Variants in NFE2L3 observed in about 807,000 individuals in gnomAD.
NFE2L3 encodes NFE2 like bZIP transcription factor 3, also known as nuclear factor erythroid 2-related factor 3.
NFE2L3 carries 18 observed loss-of-function variants against 23.5 expected under a neutral mutation model. The observed-to-expected ratio is 0.77, with a 90% CI of 0.53 to 1.13. NFE2L3 has a LOEUF of 1.13. Ranked by LOEUF, NFE2L3 falls within the 50% of genes most tolerant of loss-of-function variation. NFE2L3 has a pLI of 0.00. For synonymous variants in NFE2L3, 424 were observed against 354.5 expected, an observed-to-expected ratio of 1.20 and a Z score of -2.20; for missense variants, 1,152 against 877.2, an observed-to-expected ratio of 1.31 and a Z score of -3.96.
At position 26,158,060 on chromosome 7, in the gene NFE2L3, T is replaced by TTTG. The variant is rs767604898; in HGVS notation, c.570+4992_570+4993insTTG. On this transcript the variant is annotated intron_variant, in intron 1 of 3. Transcript: ENST00000056233. ...GGTTTTTTTGTTTTGTTTTGTTTTT[T>TTTG]ATTTTTGAGATGGAATCTTGCTCTG... 7.3e-5 allele frequency among the ~76,000 whole-genome samples: 11 copies of TTTG among 151,460 alleles called. No homozygotes were observed. The East Asian group carries it at 9.7e-4, about 13-fold the overall frequency.
At chr7:26,183,384 C>G (rs142391260) in intron 2 of NFE2L3, among the ~76,000 whole-genome samples, 7,394 of 152,058 alleles carry the variant, frequency 0.049, 550 homozygotes, top group East Asian at 0.36. Context: ...CCTGTCTCTA[C>G]TAAAAATACA....
chr7:26,156,230 T>C (rs900881075), intron 1 of NFE2L3, among the ~76,000 whole-genome samples: 6 of 152,166 alleles, frequency 3.9e-5, no homozygotes, highest in African/African-American at 1.4e-4. Flanking sequence ...GTTCATTCCA[T>C]GTAAAGGGCT....
chr7:26,184,384 G>C lies in NFE2L3; in HGVS notation c.835-149G>C. 7.6e-6 allele frequency: 5 copies of C among 657,208 alleles called. No individual in the cohort carries two copies. The South Asian group carries it at 9.6e-5, about 13-fold the overall frequency. 40.7% of individuals were successfully genotyped at this position (657,208 alleles called of 1,614,324 possible). A position where few individuals can be genotyped will look rare whatever the true frequency, so the allele number is the denominator to read the frequency against. ...ACTCACATCTCGTATTGTATTGCCTGTATTTAACTAGGAAGTTACTGCCAA... is the reference window on the plus strand; with the variant it reads ...ACTCACATCTCGTATTGTATTGCCTCTATTTAACTAGGAAGTTACTGCCAA... On this transcript the variant is annotated intron_variant, in intron 3 of 3. Coordinates refer to ENST00000056233, the MANE Select transcript of NFE2L3 (RefSeq NM_004289.7).
rs1784008272 is a variant in NFE2L3, at chr7:26,152,300, G to C, written c.-199G>C. On this transcript the variant is annotated 5_prime_UTR_variant, in exon 1 of 4. Transcript: ENST00000056233. This position sits in a 1 kb window ranked among gnomAD's most constrained non-coding sequence, Gnocchi z 4.4. ...CCCGATCCCCGGCGGTGCCAGGCAC[G>C]GTGCCGGCTGCCGAGGGAACGCCTT... The C allele has an allele frequency of 7.3e-6, 2 of 275,472 alleles. No homozygotes were observed. Among genetic ancestry groups the C allele is most frequent in the Non-Finnish European group, 1.3e-5 (2 of 152,502 alleles). 17.1% of individuals were successfully genotyped at this position (275,472 alleles called of 1,614,324 possible). A position where few individuals can be genotyped will look rare whatever the true frequency, so the allele number is the denominator to read the frequency against.
rs1583944683 is a variant in NFE2L3 at position 26,187,073 on chromosome 7, G to T, written c.*1290G>T. ...CATAAGTATCTTGGGCTAGAGAAAT[G>T]CAGTTTATATATACCGTTGGATTTT... On this transcript the variant is annotated 3_prime_UTR_variant, in exon 4 of 4. Transcript: ENST00000056233. The T allele has an allele frequency of 6.6e-6, 1 of 152,276 alleles. No individual in the cohort carries two copies. Among genetic ancestry groups the T allele is most frequent in the South Asian group, 2.1e-4 (1 of 4,818 alleles). 9.4% of individuals were successfully genotyped at this position (152,276 alleles called of 1,614,324 possible).
chr7:26,167,742 T>C (rs534623098), intron 1 of NFE2L3, among the ~76,000 whole-genome samples: 12 of 152,282 alleles, frequency 7.9e-5, no homozygotes, highest in Non-Finnish European at 1.2e-4. Context: ...AAAGCAGAGA[T>C]AATAATTACT....
At chr7:26,183,850 A>G (rs768465704) in intron 3 of NFE2L3, 66 bp downstream of exon 3, 12 of 1,011,252 alleles carry the variant, frequency 1.2e-5, no homozygotes, top group Admixed American at 3.5e-5. Context: ...GTGAACAAAT[A>G]CAACTCCTTT....
Position 26,184,702 on chromosome 7 carries a change from C to G in NFE2L3, c.1004C>G (p.Thr335Ser), listed in dbSNP as rs1160209350. The change falls in exon 4 of 4, where the codon ACT becomes AGT. Residue 335 changes from threonine (T) to serine (S), a missense_variant. By Grantham distance (58) the Thr-to-Ser change is moderately conservative. Coordinates refer to ENST00000056233, the MANE Select transcript of NFE2L3 (RefSeq NM_004289.7). Reference sequence around the variant, plus strand: ...TTTAGAAGAGATCCAACAGCAAGGACTTCACAGTCACAAGAACCATTTCTG... The same window carrying G: ...TTTAGAAGAGATCCAACAGCAAGGAGTTCACAGTCACAAGAACCATTTCTG... ...NTFRRDPTAR[T>S]SQSQEPFLQL... 6.2e-7 allele frequency: 1 copy of G among 1,613,802 alleles called. No homozygotes were observed. The highest frequency in any genetic ancestry group is 2.2e-5 in the East Asian group (1 of 44,880).
intron 2 of NFE2L3, among the ~76,000 whole-genome samples, chr7:26,179,497 CT>C (rs1784469079): frequency 6.9e-6 from 1 of 144,606 alleles, no homozygotes. Flanking sequence ...GAGACCCTGT[CT>C]CAAAAAAAAA....
intron 1 of NFE2L3, among the ~76,000 whole-genome samples, chr7:26,177,629 G>A (rs1784438813): frequency 6.6e-6 from 1 of 152,068 alleles, no homozygotes; most frequent in Non-Finnish European, 1.5e-5. Flanking sequence ...AGGAAGGAAG[G>A]AATCAATTTT....
At chr7:26,180,911 T>C (rs940884163) in intron 2 of NFE2L3, among the ~76,000 whole-genome samples, 2 of 152,204 alleles carry the variant, frequency 1.3e-5, no homozygotes, top group East Asian at 1.9e-4. Context: ...CCTCATTGTG[T>C]TATCTCCATG....
intron 3 of NFE2L3, 25 bp from the exon 4 acceptor site, chr7:26,184,508 G>A (rs73281530): frequency 0.031 from 49,665 of 1,583,178 alleles, 895 homozygotes; most frequent in Middle Eastern, 0.053. Flanking sequence ...ATTCATGTTT[G>A]AAGTGTTTCT....
chr7:26,154,768 T>C (rs917608310), intron 1 of NFE2L3, among the ~76,000 whole-genome samples: 1 of 152,186 alleles, frequency 6.6e-6, no homozygotes, highest in African/African-American at 2.4e-5. Flanking sequence ...CTCGAACTCC[T>C]TGGCTCAAGT....
chr7:26,162,728 T>TC (rs1475852347), intron 1 of NFE2L3, among the ~76,000 whole-genome samples: 50 of 152,018 alleles, frequency 3.3e-4, no homozygotes, highest in African/African-American at 1.2e-3. Flanking sequence ...TTTTTTTTTT[T>TC]CTGAGACAGG....
At chr7:26,158,352 C>T (rs1784116740) in intron 1 of NFE2L3, among the ~76,000 whole-genome samples, 1 of 152,102 alleles carries the variant, frequency 6.6e-6, no homozygotes, top group Non-Finnish European at 1.5e-5. Flanking sequence ...TGCAATGGAC[C>T]CAGTTTCCAA....
At chr7:26,168,858 G>A (rs1003459872) in intron 1 of NFE2L3, among the ~76,000 whole-genome samples, 2 of 152,074 alleles carry the variant, frequency 1.3e-5, no homozygotes, top group Admixed American at 6.5e-5. Context: ...TGAAGGGGCC[G>A]TTTTCAACTA....
At chr7:26,156,583 C>A (rs771842666) in intron 1 of NFE2L3, among the ~76,000 whole-genome samples, 2 of 152,208 alleles carry the variant, frequency 1.3e-5, no homozygotes, top group South Asian at 2.1e-4. Flanking sequence ...ACGGATGAAG[C>A]ATGCATTCTT....
intron 2 of NFE2L3, among the ~76,000 whole-genome samples, chr7:26,181,682 C>G (rs1784513170): frequency 6.6e-6 from 1 of 152,026 alleles, no homozygotes; most frequent in Non-Finnish European, 1.5e-5. Flanking sequence ...TCAGCATATG[C>G]AAAAGTCAGG....
chr7:26,152,481 C>T lies in NFE2L3; in HGVS notation c.-18C>T, dbSNP rs766435184. 1 of 1,293,062 alleles carries T rather than the reference C, an allele frequency of 7.7e-7. No homozygotes were observed. The allele number at this position is 1,293,062 out of a possible 1,614,324, so 80.1% of individuals were successfully genotyped here. On this transcript the variant is annotated 5_prime_UTR_variant, in exon 1 of 4. Coordinates refer to ENST00000056233, the MANE Select transcript of NFE2L3 (RefSeq NM_004289.7). This position sits in a 1 kb window ranked among gnomAD's most constrained non-coding sequence, Gnocchi z 4.4. ...ACCCGCGGGCGCCGGCAGGGGCGTT[C>T]CCGGGCGCGCGGCGGCGATGAAGCA...
Sources: allele counts gnomAD v4.1 joint callset (sites outside exome capture counted in the v4.1 genomes callset), GRCh38; gene constraint gnomAD v4.1.1; non-coding constraint Gnocchi (gnomAD v3.1); transcripts MANE v1.5; gene names NCBI Gene and HGNC (gene_info 2026-07-23, HGNC 2026-07-21).